The following NKAIN2 variants were observed in gnomAD, a reference collection of about 807,000 sequenced individuals.
NKAIN2 encodes the protein sodium/potassium-transporting ATPase subunit beta-1-interacting protein 2.
NKAIN2 carries 14 observed loss-of-function variants against 32.6 expected under a neutral mutation model. That is an observed-to-expected ratio of 0.43 (90% CI 0.28 to 0.67). The LOEUF (loss-of-function observed/expected upper bound fraction) is 0.67. Ranked by LOEUF, NKAIN2 falls within the 30% of genes least tolerant of loss-of-function variation. The pLI is 0.17. For synonymous variants in NKAIN2, 80 were observed against 87.2 expected, an observed-to-expected ratio of 0.92 and a Z score of 0.46; for missense variants, 198 against 258.3, an observed-to-expected ratio of 0.77 and a Z score of 1.60.
rs1360610045 is a variant in NKAIN2 at position 124,750,218 on chromosome 6, T to A, written c.475-41121T>A. ...ATGATGGACATTTACTAAATGTTAG[T>A]TATTCTTTTGCCCTAGAGAACCTCA... On this transcript the variant is annotated intron_variant, in intron 4 of 6. Coordinates refer to ENST00000368417, the MANE Select transcript of NKAIN2 (RefSeq NM_001040214.3). Among the ~76,000 whole-genome samples, 3 of 151,902 alleles carry A rather than the reference T, an allele frequency of 2.0e-5. No individual in the cohort carries two copies. The East Asian group carries it at 5.8e-4, about 30-fold the overall frequency.
At chr6:124,542,254 A>T (rs117797239) in intron 3 of NKAIN2, among the ~76,000 whole-genome samples, 1 of 152,158 alleles carries the variant, frequency 6.6e-6, no homozygotes, top group Non-Finnish European at 1.5e-5. Flanking sequence ...GAATTTAAGA[A>T]GACAAAATAC....
At chr6:123,958,525 T>C (rs1307774168) in intron 1 of NKAIN2, among the ~76,000 whole-genome samples, 1 of 152,198 alleles carries the variant, frequency 6.6e-6, no homozygotes, top group Non-Finnish European at 1.5e-5. Flanking sequence ...ACAAATTCCC[T>C]CAAGCCTCTT....
At chr6:124,482,809 G>A (rs1407808974) in intron 3 of NKAIN2, among the ~76,000 whole-genome samples, 1 of 152,144 alleles carries the variant, frequency 6.6e-6, no homozygotes, top group Non-Finnish European at 1.5e-5. Context: ...TACATGTTTT[G>A]CTAATAACAA....
At chr6:124,823,067 A>G (rs1781456092) in intron 6 of NKAIN2, among the ~76,000 whole-genome samples, 153 bp from the exon 7 acceptor site, 1 of 152,186 alleles carries the variant, frequency 6.6e-6, no homozygotes, top group South Asian at 2.1e-4. Flanking sequence ...ATAAAAAGAA[A>G]AGGAGGAAAA....
At chr6:124,526,091 T>C (rs1779301421) in intron 3 of NKAIN2, among the ~76,000 whole-genome samples, 1 of 151,932 alleles carries the variant, frequency 6.6e-6, no homozygotes, top group African/African-American at 2.4e-5. Flanking sequence ...AAGTAGAATA[T>C]GCAATGGGAA....
At chr6:124,326,632 T>C (rs1466822229) in intron 2 of NKAIN2, among the ~76,000 whole-genome samples, 1 of 152,204 alleles carries the variant, frequency 6.6e-6, no homozygotes, top group African/African-American at 2.4e-5. Context: ...GTTCTAGCTC[T>C]GCTCATTTTT....
intron 1 of NKAIN2, among the ~76,000 whole-genome samples, chr6:123,985,532 C>T (rs567817556): frequency 2.0e-5 from 3 of 152,128 alleles, no homozygotes; most frequent in Non-Finnish European, 2.9e-5. Flanking sequence ...AAGATAAACA[C>T]AATATATATG....
chr6:123,890,112 C>T (rs1773931220), intron 1 of NKAIN2, among the ~76,000 whole-genome samples: 1 of 151,980 alleles, frequency 6.6e-6, no homozygotes, highest in Non-Finnish European at 1.5e-5. Context: ...TTATCTCATA[C>T]TGGCTTAAAA....
chr6:124,508,197 T>C (rs1395969561), intron 3 of NKAIN2, among the ~76,000 whole-genome samples: 1 of 151,818 alleles, frequency 6.6e-6, no homozygotes, highest in African/African-American at 2.4e-5. Context: ...GTTAAGGCTG[T>C]AGTGAGCAGT....
intron 3 of NKAIN2, among the ~76,000 whole-genome samples, chr6:124,406,013 GGTGTGT>G (rs59361002): frequency 1.3e-4 from 20 of 148,548 alleles, no homozygotes; most frequent in African/African-American, 4.7e-4. Flanking sequence ...TTACCACCAC[GGTGTGT>G]GTGTGTGTGT....
intron 3 of NKAIN2, among the ~76,000 whole-genome samples, chr6:124,626,239 A>G (rs1013476165): frequency 6.6e-6 from 1 of 151,842 alleles, no homozygotes; most frequent in Non-Finnish European, 1.5e-5. Context: ...TAGTGGAAAT[A>G]TAGTAAGTGG....
chr6:123,807,325 C>T (rs558035323), intron 1 of NKAIN2, among the ~76,000 whole-genome samples: 2 of 151,968 alleles, frequency 1.3e-5, no homozygotes, highest in Admixed American at 6.6e-5. Context: ...GTGATTCCTA[C>T]GTAAAGGAGT....
At chr6:124,411,579 G>T (rs527870554) in intron 3 of NKAIN2, among the ~76,000 whole-genome samples, 2 of 152,346 alleles carry the variant, frequency 1.3e-5, no homozygotes, top group South Asian at 4.1e-4. Flanking sequence ...TTCCTTTTGT[G>T]GGTAACCTGA....
At chr6:123,864,412 A>G (rs1188977631) in intron 1 of NKAIN2, among the ~76,000 whole-genome samples, 1 of 152,202 alleles carries the variant, frequency 6.6e-6, no homozygotes, top group Non-Finnish European at 1.5e-5. Flanking sequence ...TCCTCCTACC[A>G]AGTACTGTTG....
chr6:124,353,222 T>A (rs1798811135), intron 2 of NKAIN2, among the ~76,000 whole-genome samples: 1 of 151,948 alleles, frequency 6.6e-6, no homozygotes, highest in African/African-American at 2.4e-5. Context: ...TAAACAAAAA[T>A]TAAGAAGTAG....
At chr6:124,423,061 A>G (rs1349734533) in intron 3 of NKAIN2, among the ~76,000 whole-genome samples, 2 of 152,222 alleles carry the variant, frequency 1.3e-5, no homozygotes, top group Non-Finnish European at 2.9e-5. Context: ...TTTCACATCT[A>G]AATAGTTTAA....
chr6:123,944,882 G>T (rs1032469213), intron 1 of NKAIN2, among the ~76,000 whole-genome samples: 1 of 151,810 alleles, frequency 6.6e-6, no homozygotes, highest in Non-Finnish European at 1.5e-5. Context: ...ACCCTGTGGG[G>T]GATTGATATC....
intron 3 of NKAIN2, among the ~76,000 whole-genome samples, chr6:124,457,668 C>T (rs1297693221): frequency 6.6e-6 from 1 of 151,910 alleles, no homozygotes; most frequent in Admixed American, 6.6e-5. Context: ...GAAGTCACTC[C>T]ACAGGATACA....
At chr6:124,340,417 G>A (rs776651324) in intron 2 of NKAIN2, among the ~76,000 whole-genome samples, 2 of 151,936 alleles carry the variant, frequency 1.3e-5, no homozygotes, top group African/African-American at 2.4e-5. Flanking sequence ...GCACGTAAAG[G>A]TTTCTTAATA....
Sources: allele counts gnomAD v4.1 joint callset (sites outside exome capture counted in the v4.1 genomes callset), GRCh38; gene constraint gnomAD v4.1.1; transcripts MANE v1.5; gene names NCBI Gene and HGNC (gene_info 2026-07-23, HGNC 2026-07-21).